The following PRKCA variants were observed in gnomAD, a reference collection of about 807,000 sequenced individuals.
PRKCA encodes the protein protein kinase C alpha type.
Under a neutral mutation model 87.0 loss-of-function variants are expected in PRKCA, and 27 were observed. That is an observed-to-expected ratio of 0.31 (90% CI 0.23 to 0.43). The LOEUF (loss-of-function observed/expected upper bound fraction) is 0.43, where lower values mean the gene tolerates loss of function less well. Ranked by LOEUF, PRKCA falls within the 20% of genes least tolerant of loss-of-function variation. The pLI, the probability that PRKCA is intolerant of heterozygous loss-of-function variation, is 1.00. For missense variants in PRKCA, 518 were observed against 852.3 expected (o/e 0.61, Z 4.88); for synonymous variants, 329 against 311.1 (o/e 1.06, Z -0.61).
chr17:66,715,659 C>CTATA (rs1425357933), intron 8 of PRKCA, among the ~76,000 whole-genome samples: 1 of 152,188 alleles, frequency 6.6e-6, no homozygotes, highest in Non-Finnish European at 1.5e-5. Context: ...CGTTGGCACT[C>CTATA]TATAGTTCCG....
intron 13 of PRKCA, among the ~76,000 whole-genome samples, chr17:66,752,364 G>A (rs772165712): frequency 1.2e-4 from 18 of 152,228 alleles, no homozygotes; most frequent in Admixed American, 3.3e-4. Flanking sequence ...GGAGGCCGGG[G>A]TGGGAGGATC....
chr17:66,322,457 ATAAAATTCTT>A (rs912180644), intron 2 of PRKCA, among the ~76,000 whole-genome samples: 2 of 152,062 alleles, frequency 1.3e-5, no homozygotes, highest in African/African-American at 4.8e-5. Flanking sequence ...TTTTAAGAAA[ATAAAATTCTT>A]TAAATTTTTT....
At chr17:66,346,415 T>TAA (rs113963716) in intron 2 of PRKCA, among the ~76,000 whole-genome samples, 91 of 147,518 alleles carry the variant, frequency 6.2e-4, no homozygotes, top group African/African-American at 1.1e-3. Context: ...TTTTTTAAAT[T>TAA]AAAAAAAAAA....
At chr17:66,477,291 CGTAACAGCAGCAT>C in intron 2 of PRKCA, among the ~76,000 whole-genome samples, 1 of 152,306 alleles carries the variant, frequency 6.6e-6, no homozygotes, top group African/African-American at 2.4e-5. Context: ...AAGGCATAAA[CGTAACAGCAGCAT>C]GTAGTTCTTC....
intron 16 of PRKCA, among the ~76,000 whole-genome samples, chr17:66,793,717 G>A (rs1240184472): frequency 3.3e-5 from 5 of 151,728 alleles, no homozygotes; most frequent in African/African-American, 9.7e-5. Flanking sequence ...AGCAGTGGAT[G>A]TCCACCCTAC....
intron 2 of PRKCA, among the ~76,000 whole-genome samples, chr17:66,337,432 C>T (rs1448300383): frequency 6.6e-6 from 1 of 152,180 alleles, no homozygotes; most frequent in Non-Finnish European, 1.5e-5. Flanking sequence ...CTCTGTCATG[C>T]AGGCTGGAGT....
intron 8 of PRKCA, among the ~76,000 whole-genome samples, chr17:66,719,790 T>C (rs1315167722): frequency 6.6e-6 from 1 of 152,216 alleles, no homozygotes; most frequent in Non-Finnish European, 1.5e-5. Context: ...AATAAAATTA[T>C]AGATGTTTTA....
At chr17:66,565,125 G>A (rs556756936) in intron 3 of PRKCA, among the ~76,000 whole-genome samples, 32 of 152,160 alleles carry the variant, frequency 2.1e-4, no homozygotes, top group Non-Finnish European at 5.9e-5. Context: ...TTCCTTACCC[G>A]TTAAGCCTTG....
At chr17:66,441,419 C>T (rs1212179987) in intron 2 of PRKCA, among the ~76,000 whole-genome samples, 1 of 91,600 alleles carries the variant, frequency 1.1e-5, no homozygotes, top group East Asian at 3.3e-4. Flanking sequence ...GGAGGGAGAT[C>T]GTGGATCCCT....
intron 13 of PRKCA, among the ~76,000 whole-genome samples, chr17:66,750,416 G>A (rs1473677747): frequency 6.6e-6 from 1 of 152,172 alleles, no homozygotes; most frequent in African/African-American, 2.4e-5. Flanking sequence ...CCAAAGCCAG[G>A]CTTTCCTTTG....
chr17:66,496,238 T>G lies in PRKCA; in HGVS notation c.243T>G (p.Phe81Leu), dbSNP rs1168036317. 1 of 1,614,184 alleles carries G rather than the reference T, an allele frequency of 6.2e-7. No individual in the cohort carries two copies. Among genetic ancestry groups the G allele is most frequent in the Non-Finnish European group, 8.5e-7 (1 of 1,179,996 alleles). The change falls in exon 3 of 17, where the codon TTT becomes TTG. Residue 81 changes from phenylalanine to leucine, a missense_variant. Physicochemically the swap from Phe to Leu is conservative, Grantham distance 22. Around this residue, in one of 5 missense-constraint regions of PRKCA, gnomAD observed 300 missense variants for 496.8 expected, o/e 0.60. Coordinates refer to ENST00000413366, the MANE Select transcript of PRKCA (RefSeq NM_002737.3). ...TGGTCCACAAGAGGTGCCATGAATT[T>G]GTTACTTTTTCTTGTCCGGGTGCGG... ...CFVVHKRCHE[F>L]VTFSCPGADK...
At chr17:66,683,023 A>T (rs1399487545) in intron 5 of PRKCA, among the ~76,000 whole-genome samples, 1 of 152,194 alleles carries the variant, frequency 6.6e-6, no homozygotes, top group Non-Finnish European at 1.5e-5. Context: ...AGTTATTCTC[A>T]ATTTTCTTTC....
At chr17:66,452,270 A>ATG (rs1255092544) in intron 2 of PRKCA, among the ~76,000 whole-genome samples, 3 of 152,140 alleles carry the variant, frequency 2.0e-5, no homozygotes, top group Non-Finnish European at 4.4e-5. Flanking sequence ...TTCTTAGCCA[A>ATG]TGTAGCGTTT....
At chr17:66,354,306 A>G (rs1448592814) in intron 2 of PRKCA, among the ~76,000 whole-genome samples, 1 of 152,240 alleles carries the variant, frequency 6.6e-6, no homozygotes, top group Non-Finnish European at 1.5e-5. Flanking sequence ...CTTACCAGAC[A>G]GAATAATTAA....
chr17:66,310,472 C>G (rs1259324407), intron 2 of PRKCA, among the ~76,000 whole-genome samples: 1 of 152,168 alleles, frequency 6.6e-6, no homozygotes, highest in Non-Finnish European at 1.5e-5. Context: ...CTGCTAAGAA[C>G]ATAACACATA....
At chr17:66,496,387 A>G in intron 3 of PRKCA, 104 bp downstream of exon 3, 1 of 929,894 alleles carries the variant, frequency 1.1e-6, no homozygotes, top group East Asian at 2.5e-5. Flanking sequence ...TGTTAATGGG[A>G]AGACTCAATT....
intron 8 of PRKCA, among the ~76,000 whole-genome samples, chr17:66,692,614 T>G: frequency 6.6e-6 from 1 of 152,158 alleles, no homozygotes; most frequent in Non-Finnish European, 1.5e-5. Context: ...CAGGTCCAAT[T>G]TGAGGCACCT....
At chr17:66,490,871 G>A (rs910707580) in intron 2 of PRKCA, among the ~76,000 whole-genome samples, 40 of 152,172 alleles carry the variant, frequency 2.6e-4, no homozygotes, top group Admixed American at 2.4e-3. Flanking sequence ...GTGACCCACC[G>A]CTCCTGGCTG....
chr17:66,391,669 T>C (rs1171574129), intron 2 of PRKCA, among the ~76,000 whole-genome samples: 1 of 152,188 alleles, frequency 6.6e-6, no homozygotes, highest in East Asian at 1.9e-4. Context: ...GAGCCCCTTC[T>C]GTTTGTTTTT....
Sources: allele counts gnomAD v4.1 joint callset (sites outside exome capture counted in the v4.1 genomes callset), GRCh38; gene constraint gnomAD v4.1.1; regional missense constraint gnomAD v4.1.1; transcripts MANE v1.5; gene names NCBI Gene and HGNC (gene_info 2026-07-23, HGNC 2026-07-21).